The following RRAS2 variants were observed in gnomAD, a reference collection of about 807,000 sequenced individuals.
RRAS2 encodes the protein RAS related 2, also known as ras-related protein R-Ras2.
A neutral mutation model predicts 27.6 loss-of-function variants in RRAS2; 7 were observed. That is an observed-to-expected ratio of 0.25 (90% confidence interval 0.14 to 0.48). RRAS2 has a LOEUF of 0.48. RRAS2 is among the 20% of genes least tolerant of loss of function. The pLI is 0.99. For synonymous variants in RRAS2, 86 were observed against 90.9 expected, an observed-to-expected ratio of 0.95 and a Z score of 0.31; for missense variants, 178 against 256.2, an observed-to-expected ratio of 0.69 and a Z score of 2.08.
At chr11:14,315,366 C>CA (rs782136436) in intron 1 of RRAS2, among the ~76,000 whole-genome samples, 55 of 152,338 alleles carry the variant, frequency 3.6e-4, no homozygotes, top group Admixed American at 6.5e-4. Flanking sequence ...CTACACCTGT[C>CA]ATGAGAAGAA....
intron 1 of RRAS2, among the ~76,000 whole-genome samples, chr11:14,298,704 C>A (rs1057127332): frequency 6.6e-6 from 1 of 152,142 alleles, no homozygotes; most frequent in Non-Finnish European, 1.5e-5. Context: ...ACTGGCTACA[C>A]GTAAATTGTA....
At chr11:14,346,439 A>G (rs1554954070) in intron 1 of RRAS2, among the ~76,000 whole-genome samples, 2 of 152,368 alleles carry the variant, frequency 1.3e-5, no homozygotes, top group African/African-American at 4.8e-5. Flanking sequence ...TGCTGCAAGC[A>G]TACACCTAGT....
intron 4 of RRAS2, among the ~76,000 whole-genome samples, chr11:14,282,189 A>T (rs1849557176): frequency 6.6e-6 from 1 of 152,172 alleles, no homozygotes; most frequent in Admixed American, 6.5e-5. Context: ...GGGCTTTCCA[A>T]GAACTAAAAG....
chr11:14,356,838 G>C (rs965332565), intron 1 of RRAS2: 1 of 398,110 alleles, frequency 2.5e-6, no homozygotes, highest in East Asian at 8.0e-5. Context: ...GTCTCGCTCT[G>C]TTGCCCAGGC....
rs541592013 is a variant in RRAS2 at position 14,283,279 on chromosome 11, A to C, written c.409-1559T>G. Among the ~76,000 whole-genome samples the C allele has an allele frequency of 1.2e-4, 18 of 152,302 alleles. No individual in the cohort carries two copies. The South Asian group carries it at 3.7e-3, about 32-fold the overall frequency. On this transcript the variant is annotated intron_variant, in intron 4 of 5. Transcript: ENST00000256196. Reference sequence around the variant, plus strand: ...TGCAGGAATAAACTCTCCTTGAGTGATATATTGCCCTTTTTATATATTGTT... The same window carrying C: ...TGCAGGAATAAACTCTCCTTGAGTGCTATATTGCCCTTTTTATATATTGTT...
At chr11:14,316,069 C>T (rs1326967296) in intron 1 of RRAS2, among the ~76,000 whole-genome samples, 1 of 151,976 alleles carries the variant, frequency 6.6e-6, no homozygotes, top group Non-Finnish European at 1.5e-5. Context: ...AAGCAGAAAG[C>T]CCAGATCAGA....
At chr11:14,310,671 G>A (rs1202965206) in intron 1 of RRAS2, among the ~76,000 whole-genome samples, 1 of 152,098 alleles carries the variant, frequency 6.6e-6, no homozygotes, top group Non-Finnish European at 1.5e-5. Flanking sequence ...ATTAAGTAGG[G>A]TGACCATATA....
intron 1 of RRAS2, among the ~76,000 whole-genome samples, chr11:14,329,912 A>G (rs1302206692): frequency 6.6e-6 from 1 of 152,056 alleles, no homozygotes; most frequent in Non-Finnish European, 1.5e-5. Context: ...TCTATAAATA[A>G]AAATAAAAAT....
intron 1 of RRAS2, among the ~76,000 whole-genome samples, chr11:14,348,049 C>T (rs554180016): frequency 1.3e-5 from 2 of 152,264 alleles, no homozygotes; most frequent in South Asian, 4.1e-4. Context: ...CCTCCCAAGA[C>T]ATCTGGCTAC....
At chr11:14,310,649 A>C (rs1591462358) in intron 1 of RRAS2, among the ~76,000 whole-genome samples, 1 of 152,200 alleles carries the variant, frequency 6.6e-6, no homozygotes, top group Admixed American at 6.5e-5. Flanking sequence ...TAAGGAAAAA[A>C]AGAACTGAAA....
chr11:14,350,946 CTGCT>C (rs1554954685), intron 1 of RRAS2, among the ~76,000 whole-genome samples: 1 of 152,180 alleles, frequency 6.6e-6, no homozygotes, highest in Non-Finnish European at 1.5e-5. Flanking sequence ...ACCACGTAGA[CTGCT>C]TGTTAATTTT....
intron 1 of RRAS2, among the ~76,000 whole-genome samples, chr11:14,350,507 G>T (rs1345477915): frequency 6.6e-6 from 1 of 152,012 alleles, no homozygotes; most frequent in African/African-American, 2.4e-5. Context: ...AGAAGCAGAT[G>T]CTAGTACTGT....
intron 2 of RRAS2, 27 bp downstream of exon 2, chr11:14,295,741 A>G (rs1847528921): frequency 6.5e-7 from 1 of 1,547,028 alleles, no homozygotes; most frequent in Admixed American, 1.9e-5. Context: ...TGATATGCAA[A>G]TTATCAAACA....
chr11:14,323,396 T>C (rs1848271953), intron 1 of RRAS2, among the ~76,000 whole-genome samples: 1 of 151,730 alleles, frequency 6.6e-6, no homozygotes, highest in Non-Finnish European at 1.5e-5. Flanking sequence ...AGGTGGATGG[T>C]GCAGCAAAGT....
chr11:14,359,565 TGAG>T (rs1392988651), upstream of RRAS2, among the ~76,000 whole-genome samples: 2 of 152,154 alleles, frequency 1.3e-5, no homozygotes, highest in Non-Finnish European at 2.9e-5. Flanking sequence ...TGACAGTGAT[TGAG>T]GATTAGAGCT....
rs1311714621 is a variant in RRAS2, at chr11:14,358,928, GC to G, written c.-59del. On this transcript the variant is annotated 5_prime_UTR_variant, in exon 1 of 6. Coordinates refer to ENST00000256196, the MANE Select transcript of RRAS2 (RefSeq NM_012250.6). This position sits in a 1 kb window ranked among gnomAD's most constrained non-coding sequence, Gnocchi z 5.1. ...GAGCCGCCGCTGCCGCCCGCCCTAG[GC>G]CCGGCTCCGGGGACGTGTGCGGCCG... 5.1e-5 allele frequency: 62 copies of G among 1,220,536 alleles called. No individual in the cohort carries two copies. Among genetic ancestry groups the G allele is most frequent in the Non-Finnish European group, 5.7e-5 (56 of 976,072 alleles). 75.6% of individuals were successfully genotyped at this position (1,220,536 alleles called of 1,614,324 possible).
chr11:14,304,321 A>G (rs1445370748), intron 1 of RRAS2, among the ~76,000 whole-genome samples: 1 of 152,178 alleles, frequency 6.6e-6, no homozygotes, highest in Non-Finnish European at 1.5e-5. Flanking sequence ...CACCAAACAT[A>G]CAACATACTA....
intron 4 of RRAS2, among the ~76,000 whole-genome samples, chr11:14,292,396 G>C (rs1362355329): frequency 1.3e-5 from 2 of 152,056 alleles, no homozygotes; most frequent in Non-Finnish European, 1.5e-5. Context: ...ATAGGGGTGA[G>C]GCAAAAGTCA....
At chr11:14,349,673 C>A (rs1447045458) in intron 1 of RRAS2, among the ~76,000 whole-genome samples, 4 of 152,094 alleles carry the variant, frequency 2.6e-5, no homozygotes, top group African/African-American at 9.7e-5. Context: ...GCCTTTATGA[C>A]AACAACAAAA....
Sources: gnomAD v4.1 joint callset for allele counts (sites outside exome capture counted in the v4.1 genomes callset) on GRCh38, gnomAD v4.1.1 for gene constraint, Gnocchi (gnomAD v3.1) non-coding constraint, MANE v1.5 for transcripts, NCBI Gene and HGNC (gene_info 2026-07-23, HGNC 2026-07-21) for gene names.